Variants in COX7B2 observed in about 807,000 individuals in gnomAD.
COX7B2 encodes cytochrome c oxidase subunit 7B2, mitochondrial.
For missense variants in COX7B2, 109 were observed against 95.9 expected, an observed-to-expected ratio of 1.14 and a Z score of -0.57; for synonymous variants, 37 against 32.1, an observed-to-expected ratio of 1.15 and a Z score of -0.51.
At chr4:46,786,728 G>C (rs1028050686) in intron 2 of COX7B2, among the ~76,000 whole-genome samples, 3 of 152,138 alleles carry the variant, frequency 2.0e-5, no homozygotes, top group Non-Finnish European at 4.4e-5. Flanking sequence ...AATCACTGAC[G>C]AGATTATGTC....
At chr4:46,748,901 G>C (rs1577656383) in intron 2 of COX7B2, among the ~76,000 whole-genome samples, 1 of 151,980 alleles carries the variant, frequency 6.6e-6, no homozygotes, top group Non-Finnish European at 1.5e-5. Context: ...ATTGTCATGG[G>C]CAATTAGATG....
At chr4:46,738,933 C>T (rs1488131617) in intron 2 of COX7B2, among the ~76,000 whole-genome samples, 1 of 152,028 alleles carries the variant, frequency 6.6e-6, no homozygotes, top group African/African-American at 2.4e-5. Flanking sequence ...ATTGTGTCAT[C>T]TATTATATGT....
chr4:46,753,051 C>CT (rs1051531106), intron 2 of COX7B2, among the ~76,000 whole-genome samples: 4 of 151,994 alleles, frequency 2.6e-5, no homozygotes, highest in Non-Finnish European at 5.9e-5. Context: ...TGGTCCTGGA[C>CT]TTTTTTTGGT....
At chr4:46,773,109 T>A (rs564098164) in intron 2 of COX7B2, among the ~76,000 whole-genome samples, 1 of 152,166 alleles carries the variant, frequency 6.6e-6, no homozygotes, top group Non-Finnish European at 1.5e-5. Flanking sequence ...ACGATGTCTA[T>A]TTTTTAACTG....
intron 1 of COX7B2, among the ~76,000 whole-genome samples, chr4:46,908,738 C>CAAAAAAAAAAAAAA (rs34388680): frequency 8.3e-6 from 1 of 121,090 alleles, no homozygotes; most frequent in African/African-American, 3.2e-5. Flanking sequence ...AGGAAAGTGG[C>CAAAAAAAAAAAAAA]AAAAAAAAAA....
intron 2 of COX7B2, among the ~76,000 whole-genome samples, chr4:46,758,387 C>A (rs1216970038): frequency 6.6e-6 from 1 of 152,074 alleles, no homozygotes; most frequent in African/African-American, 2.4e-5. Context: ...ATATATCTGG[C>A]AGGAGTTAGA....
chr4:46,886,049 T>C (rs1719066108), intron 1 of COX7B2, among the ~76,000 whole-genome samples: 1 of 152,122 alleles, frequency 6.6e-6, no homozygotes, highest in Non-Finnish European at 1.5e-5. Flanking sequence ...AAAGTAAAGA[T>C]TTGGGAAGAA....
intron 2 of COX7B2, among the ~76,000 whole-genome samples, chr4:46,769,930 A>T (rs1009840614): frequency 1.3e-5 from 2 of 152,174 alleles, no homozygotes; most frequent in Non-Finnish European, 2.9e-5. Context: ...CTTTCCTTTA[A>T]GATGAGGAAC....
At chr4:46,780,324 T>C (rs531896161) in intron 2 of COX7B2, among the ~76,000 whole-genome samples, 65 of 152,258 alleles carry the variant, frequency 4.3e-4, no homozygotes, top group African/African-American at 1.5e-3. Context: ...GAGACCATCC[T>C]GGCTAACATG....
chr4:46,810,383 G>A (rs573627279), intron 2 of COX7B2, among the ~76,000 whole-genome samples: 18 of 151,944 alleles, frequency 1.2e-4, no homozygotes, highest in African/African-American at 3.6e-4. Flanking sequence ...TTTATAATTT[G>A]ATAATTTTCT....
intron 1 of COX7B2, among the ~76,000 whole-genome samples, chr4:46,878,575 T>G (rs1438062606): frequency 6.6e-6 from 1 of 152,046 alleles, no homozygotes; most frequent in Admixed American, 6.6e-5. Flanking sequence ...AAAAATTTAG[T>G]GCCAAGAGAG....
chr4:46,853,605 C>G (rs1716837914), intron 1 of COX7B2, among the ~76,000 whole-genome samples: 1 of 151,806 alleles, frequency 6.6e-6, no homozygotes, highest in Non-Finnish European at 1.5e-5. Context: ...GTTAGTTGTT[C>G]TCTATTCTCT....
chr4:46,859,008 A>G (rs529577479), intron 1 of COX7B2, among the ~76,000 whole-genome samples: 11 of 152,268 alleles, frequency 7.2e-5, no homozygotes, highest in Admixed American at 3.3e-4. Context: ...CTCAAACTAG[A>G]TCTGTCAACT....
chr4:46,814,532 G>A (rs1212169426), intron 2 of COX7B2, among the ~76,000 whole-genome samples: 1 of 152,094 alleles, frequency 6.6e-6, no homozygotes, highest in Non-Finnish European at 1.5e-5. Context: ...AGTTATTTAG[G>A]ATATAAACTA....
rs536242637 is a variant in COX7B2, at chr4:46,878,188, T to A, written c.-105+30972A>T. ...TTTCACTTATATGCGGAAGTTTTTT[T>A]AAAAAAAAATTGATCAAAGTCATAG... On this transcript the variant is annotated intron_variant, in intron 1 of 2. Transcript: ENST00000355591. 8.6e-5 allele frequency among the ~76,000 whole-genome samples: 13 copies of A among 151,700 alleles called. No individual in the cohort carries two copies. The South Asian group carries it at 1.7e-3, about 19-fold the overall frequency.
At chr4:46,811,441 T>A (rs970980497) in intron 2 of COX7B2, among the ~76,000 whole-genome samples, 30 of 151,638 alleles carry the variant, frequency 2.0e-4, no homozygotes, top group African/African-American at 6.8e-4. Context: ...ACCATATATA[T>A]TTTTTTTATT....
intron 2 of COX7B2, among the ~76,000 whole-genome samples, chr4:46,786,435 G>C (rs553792016): frequency 2.6e-4 from 39 of 152,248 alleles, no homozygotes; most frequent in African/African-American, 7.2e-4. Context: ...GTAATGCCAT[G>C]ATGGGCACAA....
At chr4:46,822,849 G>C (rs1309949344) in intron 2 of COX7B2, among the ~76,000 whole-genome samples, 2 of 152,058 alleles carry the variant, frequency 1.3e-5, no homozygotes, top group African/African-American at 4.8e-5. Flanking sequence ...AATAAAAATA[G>C]CTAGAAAGAA....
chr4:46,835,276 G>T (rs1577633179), intron 2 of COX7B2, among the ~76,000 whole-genome samples: 1 of 152,162 alleles, frequency 6.6e-6, no homozygotes, highest in East Asian at 1.9e-4. Context: ...AGACATGAAA[G>T]GTAGGCACAA....
Sources: allele counts gnomAD v4.1 joint callset (sites outside exome capture counted in the v4.1 genomes callset), GRCh38; gene constraint gnomAD v4.1.1; transcripts MANE v1.5; gene names NCBI Gene and HGNC (gene_info 2026-07-23, HGNC 2026-07-21).